UVSSA: variants seen among roughly 807,000 people sequenced by gnomAD.
The protein encoded by UVSSA is UV-stimulated scaffold protein A.
Under a neutral mutation model 73.9 loss-of-function variants are expected in UVSSA, and 72 were observed. The observed-to-expected ratio is 0.97, with a 90% CI of 0.81 to 1.19. The LOEUF (loss-of-function observed/expected upper bound fraction) is 1.19, where lower values mean the gene tolerates loss of function less well. Ranked by LOEUF, UVSSA falls within the 50% of genes most tolerant of loss-of-function variation. The probability of loss-of-function intolerance (pLI) is 0.00; values close to 1 mark genes in which losing one functional copy is unlikely to be tolerated. For missense variants in UVSSA, 1,150 were observed against 965.0 expected (o/e 1.19, Z -2.54); for synonymous variants, 454 against 391.3 (o/e 1.16, Z -1.89).
At chr4:1,342,333 T>C (rs75030854), upstream of UVSSA, among the ~76,000 whole-genome samples, 2,240 of 152,336 alleles carry the variant, frequency 0.015, 65 homozygotes, top group African/African-American at 0.051. Context: ...CTTGCTTTTC[T>C]TTGATGTCTG....
At position 1,386,745 on chromosome 4, in the gene UVSSA, G is replaced by A. The variant is rs990990123; in HGVS notation, c.*784G>A. The A allele has an allele frequency of 1.3e-5, 2 of 151,442 alleles. No individual in the cohort carries two copies. Among genetic ancestry groups the A allele is most frequent in the African/African-American group, 4.9e-5 (2 of 41,134 alleles). 9.4% of individuals were successfully genotyped at this position (151,442 alleles called of 1,614,324 possible). A position where few individuals can be genotyped will look rare whatever the true frequency, so the allele number is the denominator to read the frequency against. On this transcript the variant is annotated 3_prime_UTR_variant, in exon 14 of 14. Coordinates refer to ENST00000389851, the MANE Select transcript of UVSSA (RefSeq NM_020894.4). ...TTTTTTGTTTTTCCTTTTAGAGATG[G>A]GCTTTTGCTCTTACCCAGGCTGAGT...
intron 7 of UVSSA, chr4:1,359,102 G>T (rs1029943134): frequency 6.6e-6 from 1 of 152,222 alleles, no homozygotes; most frequent in Non-Finnish European, 1.5e-5. Context: ...TCCTTTTGAC[G>T]CAGATGTTCT....
downstream of UVSSA, chr4:1,388,855 T>C (rs1447553304): frequency 6.6e-6 from 1 of 152,240 alleles, no homozygotes; most frequent in Non-Finnish European, 1.5e-5. Flanking sequence ...TTTGGTTTGC[T>C]AGGATTTTGC....
At chr4:1,374,105 G>T (rs1196135174) in intron 8 of UVSSA, among the ~76,000 whole-genome samples, 2 of 152,192 alleles carry the variant, frequency 1.3e-5, no homozygotes, top group African/African-American at 4.8e-5. Context: ...AGGACGCCTT[G>T]CTCGGTCTGT....
intron 3 of UVSSA, among the ~76,000 whole-genome samples, chr4:1,350,129 G>A (rs1180658625): frequency 6.6e-6 from 1 of 151,964 alleles, no homozygotes; most frequent in East Asian, 1.9e-4. Context: ...CATTTTTTAT[G>A]TGCGTGTAGG....
chr4:1,366,181 C>T (rs1490996242), intron 7 of UVSSA, 139 bp from the exon 8 acceptor site: 8 of 686,422 alleles, frequency 1.2e-5, no homozygotes, highest in Admixed American at 2.5e-5. Flanking sequence ...TAAATGCAGT[C>T]CAACCGTGGC....
At chr4:1,348,453 C>T (rs550972367) in intron 2 of UVSSA, among the ~76,000 whole-genome samples, 5 of 152,356 alleles carry the variant, frequency 3.3e-5, no homozygotes, top group Non-Finnish European at 5.9e-5. Context: ...TGTAGGAGTT[C>T]TTGAGTGCAC....
In UVSSA at chr4:1,361,358, C is replaced by T. The variant is rs562365577; in HGVS notation, c.1177-4962C>T. On this transcript the variant is annotated intron_variant, in intron 7 of 13. Transcript: ENST00000389851. ...GGGTTAGACGAGAATGGGAAGAGGC[C>T]CACAGCACTGTGTTTTGTGATATTC... is the stretch of plus-strand genomic sequence containing the variant. Among the ~76,000 whole-genome samples, 93 of 152,316 alleles carry T rather than the reference C, an allele frequency of 6.1e-4. 1 individual carries two copies. Among genetic ancestry groups the T allele is most frequent in the Admixed American group, 2.2e-3 (34 of 15,302 alleles).
chr4:1,353,039 G>C lies in UVSSA; in HGVS notation c.560G>C (p.Gly187Ala). ...QAEREMQEMS[G>A]EIESCLTEVE... ...CTTGATCTTCCGGCAGAAATGTCTGGAGAAATTGAATCCTGCTTGACGGAG... is the reference window on the plus strand; with the variant it reads ...CTTGATCTTCCGGCAGAAATGTCTGCAGAAATTGAATCCTGCTTGACGGAG... The change falls in exon 5 of 14, where the codon GGA (glycine) becomes GCA (alanine). Residue 187 changes from glycine (G) to alanine (A), a missense_variant. Coordinates refer to ENST00000389851, the MANE Select transcript of UVSSA (RefSeq NM_020894.4). 1 of 1,609,308 alleles carries C rather than the reference G, an allele frequency of 6.2e-7. No individual in the cohort carries two copies. Among genetic ancestry groups the C allele is most frequent in the Non-Finnish European group, 8.5e-7 (1 of 1,177,710 alleles).
chr4:1,345,606 C>A (rs192383734), upstream of UVSSA, among the ~76,000 whole-genome samples: 2 of 139,302 alleles, frequency 1.4e-5, no homozygotes, highest in East Asian at 4.5e-4. Context: ...GATCGTGCCA[C>A]TGCACTCCAG....
At chr4:1,348,652 G>C (rs917794314) in intron 2 of UVSSA, among the ~76,000 whole-genome samples, 3 of 152,192 alleles carry the variant, frequency 2.0e-5, no homozygotes, top group Non-Finnish European at 2.9e-5. Context: ...AGATTCATGG[G>C]GGAAGCAAAA....
At chr4:1,347,960 C>A in intron 1 of UVSSA, 130 bp from the exon 2 acceptor site, 1 of 730,248 alleles carries the variant, frequency 1.4e-6, no homozygotes, top group Non-Finnish European at 2.3e-6. Context: ...GAGGCACCCA[C>A]AGATGGACCC....
chr4:1,385,638 A>G (rs1262041667), intron 13 of UVSSA: 1 of 571,914 alleles, frequency 1.7e-6, no homozygotes, highest in Non-Finnish European at 3.1e-6. Flanking sequence ...CCCGCCGCAG[A>G]CTCCGCTTCT....
At position 1,366,448 on chromosome 4, in the gene UVSSA, G is replaced by A. The variant is rs189180146; in HGVS notation, c.1288+17G>A. On this transcript the variant is annotated intron_variant, in intron 8 of 13. Coordinates refer to ENST00000389851, the MANE Select transcript of UVSSA (RefSeq NM_020894.4). The stretch of plus-strand genomic sequence containing the variant: ...CTGAGTATGGTGAGCAGTGGGTCCC[G>A]TGGGGGGGGCACCTGGGTGGAGGGT... 4,396 of 1,583,622 alleles carry A rather than the reference G, an allele frequency of 2.8e-3. 113 individuals carry two copies. In the African/African-American group the frequency reaches 0.051, roughly 19 times the overall value.
rs1240764553 is a variant in UVSSA, at chr4:1,348,091, T to C, written c.-1T>C. ...CATCTCTGCCTTACTTATTTCTAGA[T>C]ATGGATCAGAAACTTTCGAAGTTGG... On this transcript the variant is annotated splice_region_variant and 5_prime_UTR_variant, in exon 2 of 14. Transcript: ENST00000389851. 6.2e-7 allele frequency: 1 copy of C among 1,610,624 alleles called. No homozygotes were observed. The highest frequency in any genetic ancestry group is 1.1e-5 in the South Asian group (1 of 90,986).
At chr4:1,389,785 A>G (rs1377017029), downstream of UVSSA, 1 of 152,172 alleles carries the variant, frequency 6.6e-6, no homozygotes, top group Non-Finnish European at 1.5e-5. Context: ...TTGACCTCTC[A>G]AAGTGCTGGG....
At chr4:1,375,135 C>T (rs1577359026) in intron 8 of UVSSA, 5 of 618,866 alleles carry the variant, frequency 8.1e-6, no homozygotes, top group South Asian at 3.9e-5. Context: ...GGCCACAAGG[C>T]GGGACTGCCG....
In UVSSA at chr4:1,349,809, C is replaced by T. The variant is rs369196034; in HGVS notation, c.384C>T (p.Tyr128=). The T allele has an allele frequency of 1.3e-6, 2 of 1,585,270 alleles. No individual in the cohort carries two copies. Among genetic ancestry groups the T allele is most frequent in the Non-Finnish European group, 1.7e-6 (2 of 1,164,614 alleles). The change falls in exon 3 of 14, where the codon TAC becomes TAT. Residue 128 remains tyrosine, a synonymous_variant. Transcript: ENST00000389851. Reference sequence around the variant, plus strand: ...GGAATGAGAAGTTTGGGGAGGCCTACAAGAAGCTTGCCTTGGGCTACCACT... The same window carrying T: ...GGAATGAGAAGTTTGGGGAGGCCTATAAGAAGCTTGCCTTGGGCTACCACT... ...EGWNEKFGEA[Y]KKLALGYHFL...
At chr4:1,360,484 G>A (rs1716467964) in intron 7 of UVSSA, among the ~76,000 whole-genome samples, 1 of 152,098 alleles carries the variant, frequency 6.6e-6, no homozygotes, top group African/African-American at 2.4e-5. Context: ...GGGAGAAGCT[G>A]TGTAGGCCCC....
Sources: gnomAD v4.1 joint callset for allele counts (sites outside exome capture counted in the v4.1 genomes callset) on GRCh38, gnomAD v4.1.1 for gene constraint, MANE v1.5 for transcripts, NCBI Gene and HGNC (gene_info 2026-07-23, HGNC 2026-07-21) for gene names.